CADM2: variants seen among roughly 807,000 people sequenced by gnomAD.
CADM2 encodes the protein immunoglobulin superfamily member 4D.
CADM2 carries 12 observed loss-of-function variants against 49.8 expected under a neutral mutation model. That is an observed-to-expected ratio of 0.24 (90% CI 0.15 to 0.39). The LOEUF is 0.39. CADM2 is among the 10% of genes least tolerant of loss of function. The pLI is 1.00. For synonymous variants in CADM2, 214 were observed against 175.4 expected, an observed-to-expected ratio of 1.22 and a Z score of -1.74; for missense variants, 378 against 492.3, an observed-to-expected ratio of 0.77 and a Z score of 2.20.
At chr3:86,057,024 A>G (rs1191616544) in intron 8 of CADM2, among the ~76,000 whole-genome samples, 2 of 152,224 alleles carry the variant, frequency 1.3e-5, no homozygotes, top group Non-Finnish European at 2.9e-5. Context: ...ACGTATAGTT[A>G]AAACTATGTG....
rs200128205 is a variant in CADM2 at position 85,197,121 on chromosome 3, A to G, written c.61+237453A>G. Among the ~76,000 whole-genome samples, 10 of 152,056 alleles carry G rather than the reference A, an allele frequency of 6.6e-5. No homozygotes were observed. In the East Asian group the frequency reaches 1.9e-3, roughly 29 times the overall value. ...AACAATTATTTGTTTGTTTTGTAAT[A>G]TTGAAGAAGGAAGAATCAAATGTAT... On this transcript the variant is annotated intron_variant, in intron 1 of 9. Transcript: ENST00000383699.
intron 1 of CADM2, among the ~76,000 whole-genome samples, chr3:85,588,087 TA>T (rs1471924369): frequency 2.6e-5 from 4 of 151,734 alleles, no homozygotes; most frequent in African/African-American, 9.7e-5. Context: ...TAAGAAGGGG[TA>T]ATTTGTAAAA....
At chr3:85,435,947 A>G (rs2036908412) in intron 1 of CADM2, among the ~76,000 whole-genome samples, 1 of 152,192 alleles carries the variant, frequency 6.6e-6, no homozygotes, top group South Asian at 2.1e-4. Context: ...GATAGATTGC[A>G]AAATTTTTCT....
At chr3:85,041,232 TA>T (rs138513011) in intron 1 of CADM2, among the ~76,000 whole-genome samples, 5,021 of 152,316 alleles carry the variant, frequency 0.033, 104 homozygotes, top group African/African-American at 0.04. Flanking sequence ...CTTAGCAACT[TA>T]AATCTGCCTT....
At chr3:85,316,936 T>G (rs1000719973) in intron 1 of CADM2, among the ~76,000 whole-genome samples, 1 of 152,226 alleles carries the variant, frequency 6.6e-6, no homozygotes, top group South Asian at 2.1e-4. Context: ...TAAAATATAG[T>G]GGCTAAAGAC....
rs1166966629 is a variant in CADM2 at position 86,073,836 on chromosome 3, T to C, written c.*7053T>C. On this transcript the variant is annotated 3_prime_UTR_variant, in exon 10 of 10. Coordinates refer to ENST00000383699, the MANE Select transcript of CADM2 (RefSeq NM_001167675.2). ...AACTTCATACATTATCCATCCATTT[T>C]AGTTTTCCTCGATGATGCCCATTTT... 6.6e-6 allele frequency: 1 copy of C among 152,020 alleles called. No homozygotes were observed. Among genetic ancestry groups the C allele is most frequent in the African/African-American group, 2.4e-5 (1 of 41,448 alleles). The allele number at this position is 152,020 out of a possible 1,614,324, so 9.4% of individuals were successfully genotyped here.
chr3:86,030,678 A>G (rs1289256086), intron 8 of CADM2, among the ~76,000 whole-genome samples: 1 of 151,910 alleles, frequency 6.6e-6, no homozygotes, highest in Non-Finnish European at 1.5e-5. Flanking sequence ...GGTAAAATTG[A>G]TTATATAAGG....
chr3:85,907,599 A>T (rs1357780395), intron 5 of CADM2, among the ~76,000 whole-genome samples: 1 of 152,084 alleles, frequency 6.6e-6, no homozygotes, highest in East Asian at 1.9e-4. Flanking sequence ...GGATCCAGGG[A>T]AAGTATTTCA....
intron 1 of CADM2, among the ~76,000 whole-genome samples, chr3:85,608,089 C>T (rs2107436988): frequency 6.6e-6 from 1 of 152,220 alleles, no homozygotes; most frequent in African/African-American, 2.4e-5. Flanking sequence ...GAAGCTTAAA[C>T]TGACTAATTT....
At chr3:86,009,934 G>A (rs953119382) in intron 8 of CADM2, among the ~76,000 whole-genome samples, 2 of 151,752 alleles carry the variant, frequency 1.3e-5, no homozygotes, top group African/African-American at 2.4e-5. Flanking sequence ...CACAATTTTC[G>A]ATATGTTGTG....
intron 1 of CADM2, among the ~76,000 whole-genome samples, chr3:85,095,476 A>G (rs774486519): frequency 5.3e-5 from 8 of 152,140 alleles, no homozygotes; most frequent in African/African-American, 1.9e-4. Flanking sequence ...CTCTGGCTCA[A>G]TTGTATAATT....
chr3:85,186,025 G>C (rs565383003), intron 1 of CADM2, among the ~76,000 whole-genome samples: 1 of 152,298 alleles, frequency 6.6e-6, no homozygotes, highest in South Asian at 2.1e-4. Context: ...CCATGGTAAG[G>C]CAGCAGGCCT....
chr3:85,252,739 T>C (rs1436166472), intron 1 of CADM2, among the ~76,000 whole-genome samples: 2 of 151,994 alleles, frequency 1.3e-5, no homozygotes, highest in East Asian at 3.9e-4. Context: ...TGTCTATCAC[T>C]GGAGATAATT....
intron 1 of CADM2, among the ~76,000 whole-genome samples, chr3:85,194,562 G>A (rs902803098): frequency 3.9e-5 from 6 of 152,044 alleles, no homozygotes; most frequent in Admixed American, 2.6e-4. Context: ...TATTTCACTA[G>A]AGTGTGAATG....
At chr3:85,837,796 C>A (rs1275232793) in intron 3 of CADM2, among the ~76,000 whole-genome samples, 1 of 151,616 alleles carries the variant, frequency 6.6e-6, no homozygotes, top group Non-Finnish European at 1.5e-5. Flanking sequence ...AATTAAACTC[C>A]ACTGTAAGAT....
chr3:85,680,832 A>G (rs979041378), intron 1 of CADM2, among the ~76,000 whole-genome samples: 1 of 152,120 alleles, frequency 6.6e-6, no homozygotes, highest in African/African-American at 2.4e-5. Context: ...AATCAAACTT[A>G]TCAAAAGGTC....
chr3:85,455,847 G>A (rs1462565349), intron 1 of CADM2, among the ~76,000 whole-genome samples: 3 of 152,096 alleles, frequency 2.0e-5, no homozygotes, highest in Non-Finnish European at 2.9e-5. Context: ...GAGTGTGTTC[G>A]TGTGTGTGTG....
chr3:85,482,205 C>CAGGCCTGCTACCAGG (rs984269795), intron 1 of CADM2, among the ~76,000 whole-genome samples: 2 of 151,716 alleles, frequency 1.3e-5, no homozygotes, highest in African/African-American at 4.8e-5. Flanking sequence ...AAATTTTTCA[C>CAGGCCTGCTACCAGG]AGGCCTGCTA....
intron 5 of CADM2, among the ~76,000 whole-genome samples, chr3:85,903,393 C>A (rs1716378331): frequency 1.3e-5 from 2 of 151,748 alleles, no homozygotes; most frequent in Admixed American, 6.6e-5. Context: ...GCTTTAATAA[C>A]CTCTCTTAGA....
Sources: allele counts gnomAD v4.1 joint callset (sites outside exome capture counted in the v4.1 genomes callset), GRCh38; gene constraint gnomAD v4.1.1; transcripts MANE v1.5; gene names NCBI Gene and HGNC (gene_info 2026-07-23, HGNC 2026-07-21).